Variants in IQSEC1 observed in about 807,000 individuals in gnomAD.
IQSEC1 encodes IQ motif and SEC7 domain-containing protein 1.
In IQSEC1, 31 loss-of-function variants were observed where a neutral mutation model predicts 91.0. The ratio of observed to expected loss-of-function variants is 0.34; its 90% CI spans 0.26 to 0.46. IQSEC1 has a LOEUF of 0.46. Ranked by LOEUF, IQSEC1 falls within the 20% of genes least tolerant of loss-of-function variation. IQSEC1 has a pLI of 1.00. For synonymous variants in IQSEC1, 699 were observed against 662.6 expected, an observed-to-expected ratio of 1.05 and a Z score of -0.84; for missense variants, 1,388 against 1,575.6, an observed-to-expected ratio of 0.88 and a Z score of 2.02.
intron 10 of IQSEC1, among the ~76,000 whole-genome samples, chr3:12,910,973 G>A (rs1399952000): frequency 6.6e-6 from 1 of 152,240 alleles, no homozygotes; most frequent in Non-Finnish European, 1.5e-5. Flanking sequence ...GCCGTGGAGA[G>A]TGAAAGGAGC....
At position 12,922,216 on chromosome 3, in the gene IQSEC1, G is replaced by A. The variant is rs1696693162; in HGVS notation, c.1757C>T (p.Ser586Phe). The A allele has an allele frequency of 6.2e-7, 1 of 1,604,204 alleles. No individual in the cohort carries two copies. Among genetic ancestry groups the A allele is most frequent in the Non-Finnish European group, 8.5e-7 (1 of 1,173,584 alleles). ...LDCVVDEMDF[S>F]TMELDEALRK... is the part of the protein sequence containing the mutation. ...GAGGGCCTCATCCAGCTCCATGGTA[G>A]AGAAGTCCATCTCGTCCACGACGCA... Residue 586 changes from serine (S) to phenylalanine (F), a missense_variant, in exon 5 of 14, where the codon TCT becomes TTT. Coordinates refer to ENST00000613206, the MANE Select transcript of IQSEC1 (RefSeq NM_001134382.3). This position sits in a 1 kb window ranked among gnomAD's most constrained non-coding sequence, Gnocchi z 5.1.
intron 1 of IQSEC1, among the ~76,000 whole-genome samples, chr3:13,022,831 G>C (rs1190131899): frequency 6.6e-6 from 1 of 152,214 alleles, no homozygotes; most frequent in Non-Finnish European, 1.5e-5. Context: ...GGCCCTCCAA[G>C]GGTCTCCAGC....
Position 12,915,219 on chromosome 3 carries a change from C to G in IQSEC1, c.2161-86G>C. The G allele has an allele frequency of 2.1e-6, 3 of 1,407,542 alleles. No homozygotes were observed. In the South Asian group the frequency reaches 3.7e-5, roughly 17 times the overall value. The allele number at this position is 1,407,542 out of a possible 1,614,324, so 87.2% of individuals were successfully genotyped here. ...ATGCTGCAAGTGCCCCTCCCTACAC[C>G]TACCCTTGGGATCCACCCAGCCAGT... is the stretch of plus-strand genomic sequence containing the variant. On this transcript the variant is annotated intron_variant, in intron 7 of 13. Transcript: ENST00000613206.
intron 1 of IQSEC1, among the ~76,000 whole-genome samples, chr3:12,943,370 G>C (rs1333851073): frequency 1.3e-5 from 2 of 152,264 alleles, no homozygotes; most frequent in Non-Finnish European, 2.9e-5. Context: ...ACTGTGTGCA[G>C]ACGCTGGTTT....
rs912998921 is a variant in IQSEC1, at chr3:12,897,103, T to C, written c.*3880A>G. 7 of 152,254 alleles carry C rather than the reference T, an allele frequency of 4.6e-5. No individual in the cohort carries two copies. Among genetic ancestry groups the C allele is most frequent in the Admixed American group, 3.3e-4 (5 of 15,288 alleles). 9.4% of individuals were successfully genotyped at this position (152,254 alleles called of 1,614,324 possible). ...ATCAGTGTCCTCAGTCAGTCCAATG[T>C]CTTCAAGGAAAGTGAGTGCCCAGAG... On this transcript the variant is annotated 3_prime_UTR_variant, in exon 14 of 14. Transcript: ENST00000613206.
rs1694514650 is a variant in IQSEC1 at position 13,214,860 on chromosome 3, G to A, written c.273-50727C>T. On this transcript the variant is annotated intron_variant, in intron 1 of 15. Coordinates refer to the IQSEC1 transcript ENST00000648114. This position sits in a 1 kb window ranked among gnomAD's most constrained non-coding sequence, Gnocchi z 4.5. The stretch of plus-strand genomic sequence containing the variant: ...AGCAGGTCCCAGTGTTTGCAGCTGA[G>A]CGCCAGGACCGACGTCGGGCTCTGC... Among the ~76,000 whole-genome samples, 1 of 152,242 alleles carries A rather than the reference G, an allele frequency of 6.6e-6. No homozygotes were observed. Among genetic ancestry groups the A allele is most frequent in the Non-Finnish European group, 1.5e-5 (1 of 68,052 alleles).
At chr3:13,127,384 A>G (rs1222625208) in intron 2 of IQSEC1, among the ~76,000 whole-genome samples, 1 of 152,128 alleles carries the variant, frequency 6.6e-6, no homozygotes, top group Non-Finnish European at 1.5e-5. Context: ...ATTGCACTCC[A>G]GCCTAAGCAA....
chr3:12,904,133 G>A (rs74534023), intron 12 of IQSEC1, among the ~76,000 whole-genome samples: 2,293 of 152,354 alleles, frequency 0.015, 56 homozygotes, highest in African/African-American at 0.052. Context: ...AGTGACAGGT[G>A]GAGGAAGTGC....
intron 1 of IQSEC1, among the ~76,000 whole-genome samples, chr3:13,234,413 G>A (rs964938759): frequency 6.6e-6 from 1 of 152,200 alleles, no homozygotes; most frequent in African/African-American, 2.4e-5. Context: ...AAGGGACCAA[G>A]ACAATGGTTT....
rs115215324 is a variant in IQSEC1, at chr3:13,043,694, T to A, written c.23+29298A>T. Among the ~76,000 whole-genome samples the A allele has an allele frequency of 8.6e-4, 131 of 152,282 alleles. 1 individual carries two copies. The highest frequency in any genetic ancestry group is 3.0e-3 in the African/African-American group (124 of 41,558). On this transcript the variant is annotated intron_variant, in intron 1 of 13. Transcript: ENST00000613206. ...ACGACTCCAGGGCAGGGGCCACATC[T>A]CTTTTAAGGGCCGGCCCACTGGAGG...
At chr3:13,240,749 T>C (rs910906819) in intron 1 of IQSEC1, among the ~76,000 whole-genome samples, 1 of 152,098 alleles carries the variant, frequency 6.6e-6, no homozygotes, top group African/African-American at 2.4e-5. Context: ...TTGAACGAAA[T>C]CTGGGCTCCA....
chr3:13,098,427 G>A (rs111378797), intron 2 of IQSEC1, among the ~76,000 whole-genome samples: 10 of 152,270 alleles, frequency 6.6e-5, no homozygotes, highest in East Asian at 5.8e-4. Context: ...GGGTTGGGGG[G>A]ATAAGTAAAG....
intron 1 of IQSEC1, among the ~76,000 whole-genome samples, chr3:13,230,527 C>T (rs1576303201): frequency 6.6e-6 from 1 of 152,218 alleles, no homozygotes; most frequent in Non-Finnish European, 1.5e-5. Flanking sequence ...ATGAGCTTTG[C>T]TCTTGACTGG....
intron 1 of IQSEC1, among the ~76,000 whole-genome samples, chr3:12,950,471 A>G (rs1699467398): frequency 6.6e-6 from 1 of 152,178 alleles, no homozygotes; most frequent in Admixed American, 6.5e-5. Flanking sequence ...GTTTGAGATC[A>G]GTTTGAGAAA....
intron 2 of IQSEC1, among the ~76,000 whole-genome samples, chr3:13,131,531 G>T (rs1472303382): frequency 8.2e-6 from 1 of 122,686 alleles, no homozygotes. Flanking sequence ...TTGTCACCCA[G>T]ACTGGAGTGC....
intron 1 of IQSEC1, among the ~76,000 whole-genome samples, chr3:13,005,441 G>C (rs1702595509): frequency 6.6e-6 from 1 of 152,204 alleles, no homozygotes. Flanking sequence ...AGTCCTCCAA[G>C]GCAGCAGCTG....
At chr3:13,234,069 C>A (rs1694879380) in intron 1 of IQSEC1, among the ~76,000 whole-genome samples, 1 of 152,250 alleles carries the variant, frequency 6.6e-6, no homozygotes, top group African/African-American at 2.4e-5. Context: ...AAAATACAAG[C>A]TTCCCCTAGC....
At chr3:13,263,352 C>T (rs1695422838) in intron 1 of IQSEC1, among the ~76,000 whole-genome samples, 1 of 144,854 alleles carries the variant, frequency 6.9e-6, no homozygotes. Context: ...ATATTTTGTG[C>T]ATTTATCACT....
intron 1 of IQSEC1, among the ~76,000 whole-genome samples, chr3:13,060,126 G>T (rs926079613): frequency 6.6e-6 from 1 of 152,210 alleles, no homozygotes; most frequent in African/African-American, 2.4e-5. Context: ...GGGGGCAGGG[G>T]TTGTTGTCTC....
Sources: allele counts gnomAD v4.1 joint callset (sites outside exome capture counted in the v4.1 genomes callset), GRCh38; gene constraint gnomAD v4.1.1; non-coding constraint Gnocchi (gnomAD v3.1); transcripts MANE v1.5; gene names NCBI Gene and HGNC (gene_info 2026-07-23, HGNC 2026-07-21).